COL5A3: variants seen among roughly 807,000 people sequenced by gnomAD.
COL5A3 encodes collagen alpha-3(V) chain.
COL5A3 carries 172 observed loss-of-function variants against 250.0 expected under a neutral mutation model. That is an observed-to-expected ratio of 0.69 (90% CI 0.61 to 0.78). The LOEUF (loss-of-function observed/expected upper bound fraction) is 0.78, where lower values mean the gene tolerates loss of function less well. Among genes scored for constraint, COL5A3 ranks in the 30% least tolerant of loss-of-function variants. The pLI is 0.00. For missense variants in COL5A3, 2,340 were observed against 2,334.4 expected (o/e 1.00, Z -0.05); for synonymous variants, 937 against 900.4 (o/e 1.04, Z -0.73).
Position 9,968,344 on chromosome 19 carries a change from T to G in COL5A3, c.4314+41A>C. On this transcript the variant is annotated intron_variant, in intron 59 of 66. Coordinates refer to ENST00000264828, the MANE Select transcript of COL5A3 (RefSeq NM_015719.4). This position sits in a 1 kb window ranked among gnomAD's most constrained non-coding sequence, Gnocchi z 4.1. ...ACCCACAGTCTCTCAACCGACCCCCTCCTTCAAATGCATTCTTCCCGCTCA... is the reference window on the plus strand; with the variant it reads ...ACCCACAGTCTCTCAACCGACCCCCGCCTTCAAATGCATTCTTCCCGCTCA... The G allele has an allele frequency of 2.5e-5, 32 of 1,305,772 alleles. No homozygotes were observed. Among genetic ancestry groups the G allele is most frequent in the Non-Finnish European group, 3.2e-5 (29 of 915,658 alleles). 80.9% of individuals were successfully genotyped at this position (1,305,772 alleles called of 1,614,324 possible).
At chr19:9,981,021 A>T in intron 33 of COL5A3, 67 bp downstream of exon 33, 1 of 1,568,260 alleles carries the variant, frequency 6.4e-7, no homozygotes, top group Non-Finnish European at 8.8e-7. Flanking sequence ...TGACCTCTCC[A>T]CTACCTTTCC....
At position 9,980,054 on chromosome 19, in the gene COL5A3, T is replaced by C. The variant is rs1476392841; in HGVS notation, c.2605-7A>G. 2.5e-6 allele frequency: 4 copies of C among 1,595,376 alleles called. No homozygotes were observed. The highest frequency in any genetic ancestry group is 1.8e-5 in the Admixed American group (1 of 54,126). ...CTTGCAGACCAGGGAGGCCCTGAAA[T>C]GGAAACAGAAATCATGATCTCATCC... On this transcript the variant is annotated splice_region_variant and splice_polypyrimidine_tract_variant and intron_variant, in intron 35 of 66. Coordinates refer to ENST00000264828, the MANE Select transcript of COL5A3 (RefSeq NM_015719.4).
chr19:9,989,306 C>T lies in COL5A3; in HGVS notation c.2091+16G>A, dbSNP rs2087153509. The T allele has an allele frequency of 6.2e-7, 1 of 1,614,204 alleles. No individual in the cohort carries two copies. The highest frequency in any genetic ancestry group is 8.5e-7 in the Non-Finnish European group (1 of 1,180,004). ...GACCCTCGTCCCCAACCCAGCCTAACCTCCTGGTCACTCACCTGAGCCCCT... is the reference window on the plus strand; with the variant it reads ...GACCCTCGTCCCCAACCCAGCCTAATCTCCTGGTCACTCACCTGAGCCCCT... On this transcript the variant is annotated intron_variant, in intron 26 of 66. Coordinates refer to ENST00000264828, the MANE Select transcript of COL5A3 (RefSeq NM_015719.4).
intron 44 of COL5A3, among the ~76,000 whole-genome samples, chr19:9,976,830 A>G (rs2086928952): frequency 6.6e-6 from 1 of 152,136 alleles, no homozygotes; most frequent in African/African-American, 2.4e-5. Flanking sequence ...AAGTTCCACC[A>G]AGACCCAGGG....
Position 9,993,724 on chromosome 19 carries a change from C to T in COL5A3, c.1641+29G>A, listed in dbSNP as rs77624729. 6.0e-3 allele frequency: 9,650 copies of T among 1,614,034 alleles called. 362 individuals carry two copies. The East Asian group carries it at 0.074, about 12-fold the overall frequency. ...ACCCCATAAGCCTGACAGCTCCCAC[C>T]AAGTCTTATCTCAGCCCCCATCACC... On this transcript the variant is annotated intron_variant, in intron 17 of 66. Coordinates refer to ENST00000264828, the MANE Select transcript of COL5A3 (RefSeq NM_015719.4).
At chr19:9,967,519 TCA>T (rs2086770982) in intron 61 of COL5A3, 119 bp from the exon 62 acceptor site, 15 of 718,750 alleles carry the variant, frequency 2.1e-5, no homozygotes, top group Non-Finnish European at 3.2e-5. Context: ...TCTCACACAC[TCA>T]CATACACACT....
chr19:9,993,882 A>G (rs1352375869), intron 16 of COL5A3, 76 bp from the exon 17 acceptor site: 6 of 1,311,194 alleles, frequency 4.6e-6, no homozygotes, highest in Non-Finnish European at 6.5e-6. Flanking sequence ...ACCCAACTTC[A>G]TCATCAACAT....
intron 41 of COL5A3, among the ~76,000 whole-genome samples, chr19:9,977,988 G>A (rs10425853): frequency 0.23 from 25,331 of 110,790 alleles, 2,889 homozygotes; most frequent in Non-Finnish European, 0.31. Context: ...ATATATATTT[G>A]TAGAGACAGG....
At chr19:9,970,174 T>G (rs866448612) in intron 54 of COL5A3, among the ~76,000 whole-genome samples, 16 of 38,252 alleles carry the variant, frequency 4.2e-4, no homozygotes, top group African/African-American at 8.5e-4. Flanking sequence ...GTGAGTGGGG[T>G]CTGTGGGTGA....
chr19:9,989,452 C>A lies in COL5A3; in HGVS notation c.2046+17G>T. 6.2e-7 allele frequency: 1 copy of A among 1,613,646 alleles called. No homozygotes were observed. The highest frequency in any genetic ancestry group is 1.7e-4 in the Middle Eastern group (1 of 6,060). ...TCCCCTTTCTCCTTCCTCCTTTTCC[C>A]AGCTCATGGTTCTCACCAGAGGGCC... is the stretch of plus-strand genomic sequence containing the variant. On this transcript the variant is annotated intron_variant, in intron 25 of 66. Coordinates refer to ENST00000264828, the MANE Select transcript of COL5A3 (RefSeq NM_015719.4).
In COL5A3 at chr19:9,989,412, T is replaced by C. The variant is rs368550741; in HGVS notation, c.2047-46A>G. ...GTTGTCAGAGACCAAAACTTGCCATTCCAATTCCCAAGGCTCCCCTTTCTC... is the reference window on the plus strand; with the variant it reads ...GTTGTCAGAGACCAAAACTTGCCATCCCAATTCCCAAGGCTCCCCTTTCTC... On this transcript the variant is annotated intron_variant, in intron 25 of 66. Transcript: ENST00000264828. The C allele has an allele frequency of 1.7e-5, 28 of 1,613,946 alleles. No individual in the cohort carries two copies. The African/African-American group carries it at 3.5e-4, about 20-fold the overall frequency.
chr19:9,991,939 G>A lies in COL5A3; in HGVS notation c.1893+65C>T, dbSNP rs7251564. 6.5e-3 allele frequency: 10,242 copies of A among 1,570,714 alleles called. 567 individuals are homozygous for A. The African/African-American group carries it at 0.13, about 19-fold the overall frequency. ...GGGGGGTCAGTCATGGAAGGGAATA[G>A]GGATGTGGACAATCGGGGTCAGAGT... On this transcript the variant is annotated intron_variant, in intron 22 of 66. Coordinates refer to ENST00000264828, the MANE Select transcript of COL5A3 (RefSeq NM_015719.4).
chr19:9,979,095 G>GTTGAAC, intron 39 of COL5A3, 37 bp downstream of exon 39: 1 of 1,500,536 alleles, frequency 6.7e-7, no homozygotes, highest in Non-Finnish European at 9.0e-7. Flanking sequence ...GTTGATCTTG[G>GTTGAAC]ATGTTCAACC....
At chr19:9,993,596 G>C (rs2277963) in intron 18 of COL5A3, 23 bp downstream of exon 18, 286,123 of 1,612,802 alleles carry the variant, frequency 0.18, 26,984 homozygotes, top group Non-Finnish European at 0.19. Flanking sequence ...CTTAGACTTG[G>C]GGGAGGGACC....
rs769567123 is a variant in COL5A3, at chr19:9,991,815, C to A, written c.1920G>T (p.Pro640=). 6.2e-7 allele frequency: 1 copy of A among 1,608,834 alleles called. No individual in the cohort carries two copies. Among genetic ancestry groups the A allele is most frequent in the Non-Finnish European group, 8.5e-7 (1 of 1,177,746 alleles). ...NVGPPGEPGP[P]GQQGNHGSQG... ...GGGACCCATGGTTTCCCTGCTGTCC[C>A]GGAGGGCCTGGTTCTCCTGGAGGAC... Residue 640 remains proline (P), a synonymous_variant, in exon 23 of 67, where the codon CCG becomes CCT. Transcript: ENST00000264828.
In COL5A3 at chr19:9,980,824, T is replaced by C. The variant is rs76527273; in HGVS notation, c.2541A>G (p.Thr847=). The change falls in exon 34 of 67, where the codon ACA becomes ACG. Residue 847 remains threonine, a synonymous_variant. Coordinates refer to ENST00000264828, the MANE Select transcript of COL5A3 (RefSeq NM_015719.4). Reference sequence around the variant, plus strand: ...CCCATACCTTGGGGCCTGGTTGCCCTGTGGCACCCGGTTGCCCCCTCTCTC... The same window carrying C: ...CCCATACCTTGGGGCCTGGTTGCCCCGTGGCACCCGGTTGCCCCCTCTCTC... ...SRGERGQPGA[T]GQPGPKGDVG... 9,816 of 1,612,092 alleles carry C rather than the reference T, an allele frequency of 6.1e-3. 316 individuals are homozygous for C. In the East Asian group the frequency reaches 0.074, roughly 12 times the overall value.
At position 9,978,597 on chromosome 19, in the gene COL5A3, G is replaced by T. The variant is rs1462589843; in HGVS notation, c.2995C>A (p.Pro999Thr). The change falls in exon 41 of 67, where the codon CCC becomes ACC. Residue 999 changes from proline to threonine, a missense_variant. By Grantham distance (38) the Pro-to-Thr change is conservative. Coordinates refer to ENST00000264828, the MANE Select transcript of COL5A3 (RefSeq NM_015719.4). Reference protein sequence around the residue: ...GPTGLKGDKGPPGPVGANGSP... With the variant: ...GPTGLKGDKGTPGPVGANGSP... Reference sequence around the variant, plus strand: ...ACATTGGCCCCCACGGGCCCTGGGGGGCCCTTATCACCCTTTAAGCCAGTA... The same window carrying T: ...ACATTGGCCCCCACGGGCCCTGGGGTGCCCTTATCACCCTTTAAGCCAGTA... 6.3e-7 allele frequency: 1 copy of T among 1,581,830 alleles called. No homozygotes were observed. Among genetic ancestry groups the T allele is most frequent in the Non-Finnish European group, 8.6e-7 (1 of 1,165,704 alleles).
At chr19:9,979,701 G>A in intron 37 of COL5A3, 138 bp downstream of exon 37, 3 of 851,406 alleles carry the variant, frequency 3.5e-6, no homozygotes, top group Non-Finnish European at 5.5e-6. Context: ...CAGGAGAATT[G>A]CTTGAACCTG....
Position 9,978,589 on chromosome 19 carries a change from C to T in COL5A3, c.3003G>A (p.Gly1001=). 1 of 1,578,860 alleles carries T rather than the reference C, an allele frequency of 6.3e-7. No individual in the cohort carries two copies. The stretch of plus-strand genomic sequence containing the variant: ...TTATACTTACATTGGCCCCCACGGG[C>T]CCTGGGGGGCCCTTATCACCCTTTA... The part of the protein sequence containing the change: ...TGLKGDKGPP[G]PVGANGSPGE... The change falls in exon 41 of 67, where the codon GGG becomes GGA. Residue 1001 remains glycine, a synonymous_variant. Coordinates refer to ENST00000264828, the MANE Select transcript of COL5A3 (RefSeq NM_015719.4).
Sources: allele counts gnomAD v4.1 joint callset (sites outside exome capture counted in the v4.1 genomes callset), GRCh38; gene constraint gnomAD v4.1.1; non-coding constraint Gnocchi (gnomAD v3.1); transcripts MANE v1.5; gene names NCBI Gene and HGNC (gene_info 2026-07-23, HGNC 2026-07-21).